ST6GALNAC3: variants seen among roughly 807,000 people sequenced by gnomAD.
The protein encoded by ST6GALNAC3 is alpha-N-acetylgalactosaminide alpha-2,6-sialyltransferase 3.
A neutral mutation model predicts 32.7 loss-of-function variants in ST6GALNAC3; 25 were observed. That is an observed-to-expected ratio of 0.76 (90% confidence interval 0.56 to 1.07). The LOEUF (loss-of-function observed/expected upper bound fraction) is 1.07, where lower values mean the gene tolerates loss of function less well. Among genes scored for constraint, ST6GALNAC3 ranks in the 50% least tolerant of loss-of-function variants. ST6GALNAC3 has a pLI of 0.00. For synonymous variants in ST6GALNAC3, 129 were observed against 133.1 expected (o/e 0.97, Z 0.21); for missense variants, 355 against 382.4 (o/e 0.93, Z 0.60).
chr1:76,108,630 C>G (rs1293960311), intron 1 of ST6GALNAC3, among the ~76,000 whole-genome samples: 1 of 152,176 alleles, frequency 6.6e-6, no homozygotes, highest in African/African-American at 2.4e-5. Flanking sequence ...ACAAAGGCAT[C>G]TGTAGCAAAG....
intron 1 of ST6GALNAC3, among the ~76,000 whole-genome samples, chr1:76,181,950 G>A (rs1483247024): frequency 6.6e-6 from 1 of 152,146 alleles, no homozygotes; most frequent in Admixed American, 6.5e-5. Context: ...TGAACACTCA[G>A]AAATTCGAAT....
intron 2 of ST6GALNAC3, among the ~76,000 whole-genome samples, chr1:76,361,919 A>G (rs1474572680): frequency 4.0e-5 from 6 of 150,782 alleles, no homozygotes; most frequent in African/African-American, 1.5e-4. Flanking sequence ...TGAAGGTTGC[A>G]GTGCGCTGAG....
At chr1:76,281,443 T>C (rs4949702) in intron 1 of ST6GALNAC3, among the ~76,000 whole-genome samples, 72,518 of 152,080 alleles carry the variant, frequency 0.48, 17,578 homozygotes, top group African/African-American at 0.55. Context: ...TGGCCAGAGA[T>C]GCCTGCAGCC....
At chr1:76,161,587 T>C (rs1209367021) in intron 1 of ST6GALNAC3, among the ~76,000 whole-genome samples, 1 of 152,232 alleles carries the variant, frequency 6.6e-6, no homozygotes, top group Non-Finnish European at 1.5e-5. Context: ...CATACTCTAC[T>C]GAGATCTAAA....
At chr1:76,606,738 G>GA (rs113560208) in intron 3 of ST6GALNAC3, among the ~76,000 whole-genome samples, 91 of 132,874 alleles carry the variant, frequency 6.8e-4, no homozygotes, top group Middle Eastern at 4.1e-3. Flanking sequence ...TGAAAAGAGT[G>GA]AAAAAAAAAA....
At chr1:76,566,998 T>C (rs1474872957) in intron 3 of ST6GALNAC3, among the ~76,000 whole-genome samples, 7 of 151,458 alleles carry the variant, frequency 4.6e-5, no homozygotes, top group Non-Finnish European at 1.0e-4. Flanking sequence ...CCTTAATAGA[T>C]AGTTGTTGAA....
At chr1:76,205,684 A>G (rs1654781451) in intron 1 of ST6GALNAC3, among the ~76,000 whole-genome samples, 1 of 152,220 alleles carries the variant, frequency 6.6e-6, no homozygotes, top group Non-Finnish European at 1.5e-5. Flanking sequence ...GGAATAATGC[A>G]AGTGCATATA....
intron 1 of ST6GALNAC3, among the ~76,000 whole-genome samples, chr1:76,265,261 T>G (rs1658462555): frequency 6.6e-6 from 1 of 152,192 alleles, no homozygotes; most frequent in Admixed American, 6.5e-5. Context: ...TGTGATTTTA[T>G]CAGCTATCCA....
chr1:76,463,705 A>G (rs1029867240), intron 3 of ST6GALNAC3, among the ~76,000 whole-genome samples: 1 of 152,090 alleles, frequency 6.6e-6, no homozygotes, highest in African/African-American at 2.4e-5. Flanking sequence ...GTTTGGATTC[A>G]TCTTGCTTGG....
chr1:76,353,073 A>G (rs1158655046), intron 2 of ST6GALNAC3, among the ~76,000 whole-genome samples: 2 of 152,020 alleles, frequency 1.3e-5, no homozygotes, highest in South Asian at 2.1e-4. Flanking sequence ...TAAATATACA[A>G]CTAGAATTAC....
chr1:76,427,519 A>C (rs1655473518), intron 3 of ST6GALNAC3, among the ~76,000 whole-genome samples: 1 of 152,098 alleles, frequency 6.6e-6, no homozygotes, highest in Admixed American at 6.6e-5. Flanking sequence ...CCATGGAAAA[A>C]TAAAAAAATT....
intron 2 of ST6GALNAC3, among the ~76,000 whole-genome samples, chr1:76,380,522 G>T (rs1651620214): frequency 6.6e-6 from 1 of 152,126 alleles, no homozygotes; most frequent in Non-Finnish European, 1.5e-5. Context: ...AATGTTTATA[G>T]CAGCTTTATT....
intron 1 of ST6GALNAC3, among the ~76,000 whole-genome samples, chr1:76,109,246 C>G (rs1414348821): frequency 6.6e-6 from 1 of 152,102 alleles, no homozygotes; most frequent in Admixed American, 6.5e-5. Context: ...TTTTTGCTGA[C>G]TTTTCTCCTG....
chr1:76,608,383 T>C (rs189809229), intron 3 of ST6GALNAC3, among the ~76,000 whole-genome samples: 398 of 152,308 alleles, frequency 2.6e-3, no homozygotes, highest in Admixed American at 9.3e-3. Flanking sequence ...TCATGAAATT[T>C]GCAGTCTAAC....
chr1:76,257,105 A>G (rs2100716187), intron 1 of ST6GALNAC3, among the ~76,000 whole-genome samples: 1 of 152,264 alleles, frequency 6.6e-6, no homozygotes, highest in Admixed American at 6.5e-5. Flanking sequence ...ACTGCATCAT[A>G]GTGTCATGTT....
intron 3 of ST6GALNAC3, among the ~76,000 whole-genome samples, chr1:76,457,458 A>G (rs1178028273): frequency 1.3e-5 from 2 of 152,128 alleles, no homozygotes; most frequent in African/African-American, 2.4e-5. Context: ...AAACTATACT[A>G]CAAGGCTATA....
intron 3 of ST6GALNAC3, among the ~76,000 whole-genome samples, chr1:76,595,050 T>C (rs1274742463): frequency 1.3e-5 from 2 of 152,188 alleles, no homozygotes; most frequent in Non-Finnish European, 2.9e-5. Flanking sequence ...TTTTGCCAGG[T>C]ATGTCCTGCA....
chr1:76,596,297 T>C (rs1052575188), intron 3 of ST6GALNAC3, among the ~76,000 whole-genome samples: 2 of 152,164 alleles, frequency 1.3e-5, no homozygotes. Flanking sequence ...AATTATTTTT[T>C]CAGTGCCTGT....
At chr1:76,210,295 T>C (rs1655077440) in intron 1 of ST6GALNAC3, among the ~76,000 whole-genome samples, 1 of 152,160 alleles carries the variant, frequency 6.6e-6, no homozygotes, top group African/African-American at 2.4e-5. Context: ...GTCTGAGACC[T>C]TTATGTACCT....
Sources: gnomAD v4.1 joint callset for allele counts (sites outside exome capture counted in the v4.1 genomes callset) on GRCh38, gnomAD v4.1.1 for gene constraint, MANE v1.5 for transcripts, NCBI Gene and HGNC (gene_info 2026-07-23, HGNC 2026-07-21) for gene names.